The following SV2C variants were observed in gnomAD, a reference collection of about 807,000 sequenced individuals.
SV2C encodes solute carrier family 22 member B3.
SV2C carries 49 observed loss-of-function variants against 79.7 expected under a neutral mutation model. The observed-to-expected ratio is 0.61, with a 90% CI of 0.49 to 0.78. The LOEUF is 0.78. Among genes scored for constraint, SV2C ranks in the 30% least tolerant of loss-of-function variants. SV2C has a pLI of 0.00. For synonymous variants in SV2C, 334 were observed against 333.2 expected, an observed-to-expected ratio of 1.00 and a Z score of -0.03; for missense variants, 833 against 912.9, an observed-to-expected ratio of 0.91 and a Z score of 1.13.
At chr5:76,120,515 C>T (rs948945036) in intron 1 of SV2C, among the ~76,000 whole-genome samples, 1 of 103,474 alleles carries the variant, frequency 9.7e-6, no homozygotes, top group Non-Finnish European at 1.8e-5. Context: ...TATCCCTCCC[C>T]CCTCCCCCCA....
the SV2C span, among the ~76,000 whole-genome samples, chr5:75,976,427 A>G: frequency 1.3e-5 from 2 of 152,132 alleles, no homozygotes; most frequent in Non-Finnish European, 2.9e-5. Context: ...CAAACTCTTC[A>G]TCGACTGTTA....
At chr5:76,205,646 T>C (rs1033381876) in intron 3 of SV2C, among the ~76,000 whole-genome samples, 10 of 152,208 alleles carry the variant, frequency 6.6e-5, no homozygotes, top group African/African-American at 2.4e-4. Flanking sequence ...AACACTAAGG[T>C]CTCCACGTAA....
chr5:76,303,578 T>C (rs1303687882), intron 12 of SV2C, among the ~76,000 whole-genome samples: 1 of 152,120 alleles, frequency 6.6e-6, no homozygotes, highest in Admixed American at 6.5e-5. Context: ...GAGAATCAGC[T>C]GCTTATCCCT....
At position 76,150,418 on chromosome 5, in the gene SV2C, C is replaced by T. The variant is rs949853639; in HGVS notation, c.580+18088C>T. ...GTCTCAATCTCTCGACCTCATGATC[C>T]GCCCACCTTGGCCTCCCAAAATGCT... is the stretch of plus-strand genomic sequence containing the variant. On this transcript the variant is annotated intron_variant, in intron 2 of 12. Transcript: ENST00000502798. Among the ~76,000 whole-genome samples, 10 of 152,054 alleles carry T rather than the reference C, an allele frequency of 6.6e-5. No homozygotes were observed. The South Asian group carries it at 1.0e-3, about 16-fold the overall frequency.
the SV2C span, among the ~76,000 whole-genome samples, chr5:76,074,906 C>A: frequency 6.6e-6 from 1 of 152,218 alleles, no homozygotes; most frequent in Admixed American, 6.5e-5. Context: ...TGAAACACAG[C>A]TCAACTCAAA....
At chr5:76,028,128 C>A in the SV2C span, among the ~76,000 whole-genome samples, 4 of 152,158 alleles carry the variant, frequency 2.6e-5, no homozygotes, top group African/African-American at 9.7e-5. Context: ...AATCCATTGT[C>A]CCTCCCCGCA....
At chr5:76,209,500 C>T (rs1011424858) in intron 3 of SV2C, among the ~76,000 whole-genome samples, 2 of 152,166 alleles carry the variant, frequency 1.3e-5, no homozygotes, top group African/African-American at 4.8e-5. Context: ...AACACCACTG[C>T]CACCTCTTGG....
chr5:76,269,912 G>A (rs1580006109), intron 4 of SV2C, among the ~76,000 whole-genome samples: 1 of 152,162 alleles, frequency 6.6e-6, no homozygotes, highest in East Asian at 1.9e-4. Flanking sequence ...CGTTCACTGG[G>A]ATGCAGCAGG....
At chr5:76,174,412 T>G (rs1337246970) in intron 2 of SV2C, among the ~76,000 whole-genome samples, 5 of 152,246 alleles carry the variant, frequency 3.3e-5, no homozygotes, top group African/African-American at 1.2e-4. Context: ...GGGTGGGAGT[T>G]AATAATGAAA....
the SV2C span, among the ~76,000 whole-genome samples, chr5:75,913,615 C>T: frequency 2.6e-5 from 4 of 152,200 alleles, no homozygotes; most frequent in Middle Eastern, 6.3e-3. Context: ...TTCCAGACCA[C>T]ATCTTGGGAT....
chr5:76,046,840 C>T, the SV2C span, among the ~76,000 whole-genome samples: 1 of 152,200 alleles, frequency 6.6e-6, no homozygotes, highest in South Asian at 2.1e-4. Flanking sequence ...CGCAGTATGA[C>T]TGCCCTTGCT....
chr5:76,212,978 A>T (rs953878678), intron 4 of SV2C, among the ~76,000 whole-genome samples: 1 of 152,226 alleles, frequency 6.6e-6, no homozygotes, highest in African/African-American at 2.4e-5. Context: ...AGAATGAGGG[A>T]AAGTTGGGAA....
At chr5:76,234,498 T>A (rs72773776) in intron 4 of SV2C, among the ~76,000 whole-genome samples, 1 of 151,902 alleles carries the variant, frequency 6.6e-6, no homozygotes, top group Non-Finnish European at 1.5e-5. Flanking sequence ...AATCAAATGC[T>A]TTATGTCTTT....
At chr5:75,853,530 T>C in the SV2C span, among the ~76,000 whole-genome samples, 5 of 113,102 alleles carry the variant, frequency 4.4e-5, no homozygotes. Flanking sequence ...CACTCCAGCC[T>C]GGGCAGCACA....
the SV2C span, among the ~76,000 whole-genome samples, chr5:75,968,956 A>G: frequency 5.9e-5 from 9 of 152,250 alleles, no homozygotes. Context: ...AGGGAGGCCC[A>G]TCAGACTAAC....
the SV2C span, among the ~76,000 whole-genome samples, chr5:75,898,122 A>C: frequency 2.2e-3 from 338 of 152,270 alleles, 1 homozygote; most frequent in African/African-American, 7.6e-3. Flanking sequence ...AGGAGTAGTG[A>C]GAGAGGGCAT....
In SV2C at chr5:76,283,819, C is replaced by T. The variant is rs549289685; in HGVS notation, c.914-1343C>T. 2.0e-5 allele frequency among the ~76,000 whole-genome samples: 3 copies of T among 152,200 alleles called. No individual in the cohort carries two copies. The East Asian group carries it at 5.8e-4, about 29-fold the overall frequency. The stretch of plus-strand genomic sequence containing the variant: ...TGAGTAAGCATGCACACACATGAGG[C>T]TGTGTGTGGCTGTAAGATTCTGTCT... On this transcript the variant is annotated intron_variant, in intron 4 of 12. Transcript: ENST00000502798.
chr5:76,135,685 T>C (rs1411483638), intron 2 of SV2C, among the ~76,000 whole-genome samples: 1 of 152,202 alleles, frequency 6.6e-6, no homozygotes, highest in Non-Finnish European at 1.5e-5. Context: ...AGTGAAAATG[T>C]GTCCTGCTGA....
chr5:76,286,028 T>G (rs1747347392), intron 6 of SV2C, 158 bp downstream of exon 6: 1 of 580,980 alleles, frequency 1.7e-6, no homozygotes, highest in Admixed American at 3.4e-5. Context: ...TAGGCAATGT[T>G]AAAATAAATG....
Sources: gnomAD v4.1 joint callset for allele counts (sites outside exome capture counted in the v4.1 genomes callset) on GRCh38, gnomAD v4.1.1 for gene constraint, MANE v1.5 for transcripts, NCBI Gene and HGNC (gene_info 2026-07-23, HGNC 2026-07-21) for gene names.